URI1: variants seen among roughly 807,000 people sequenced by gnomAD.
URI1 encodes the protein URI1 prefoldin like chaperone, also known as unconventional prefoldin RPB5 interactor 1.
URI1 carries 39 observed loss-of-function variants against 60.2 expected under a neutral mutation model. That is an observed-to-expected ratio of 0.65 (90% CI 0.50 to 0.85). URI1 has a LOEUF of 0.85. Ranked by LOEUF, URI1 falls within the 40% of genes least tolerant of loss-of-function variation. URI1 has a pLI of 0.00. For missense variants in URI1, 691 were observed against 665.9 expected (o/e 1.04, Z -0.42); for synonymous variants, 251 against 236.8 (o/e 1.06, Z -0.55).
Position 30,015,830 on chromosome 19 carries a change from T to G in URI1, c.*761T>G, listed in dbSNP as rs1004313895. 2 of 384,832 alleles carry G rather than the reference T, an allele frequency of 5.2e-6. No individual in the cohort carries two copies. Among genetic ancestry groups the G allele is most frequent in the Non-Finnish European group, 9.2e-6 (2 of 217,422 alleles). 23.8% of individuals were successfully genotyped at this position (384,832 alleles called of 1,614,324 possible). ...TTCCTCAGATACTTCTCCCTTAGTTTTTGCAGTTTCACTGGGATTATGTTT... is the reference window on the plus strand; with the variant it reads ...TTCCTCAGATACTTCTCCCTTAGTTGTTGCAGTTTCACTGGGATTATGTTT... On this transcript the variant is annotated 3_prime_UTR_variant, in exon 11 of 11. Transcript: ENST00000392271.
In URI1 at chr19:30,016,510, T is replaced by C. The variant is rs1401809562; in HGVS notation, c.*1441T>C. 6.6e-6 allele frequency: 1 copy of C among 152,128 alleles called. No individual in the cohort carries two copies. The highest frequency in any genetic ancestry group is 1.5e-5 in the Non-Finnish European group (1 of 67,966). 9.4% of individuals were successfully genotyped at this position (152,128 alleles called of 1,614,324 possible). On this transcript the variant is annotated 3_prime_UTR_variant, in exon 11 of 11. Transcript: ENST00000392271. ...TTCACATGAGGCTTTCTGTGCTAGA[T>C]TTTTTTCTCAGAAACAAACTTTACT...
intron 4 of URI1, among the ~76,000 whole-genome samples, chr19:29,999,506 A>G (rs567488105): frequency 6.6e-6 from 1 of 152,126 alleles, no homozygotes; most frequent in East Asian, 1.9e-4. Context: ...TCATCCCATA[A>G]CCTTCTGTGC....
intron 1 of URI1, among the ~76,000 whole-genome samples, chr19:29,933,974 C>T (rs192945821): frequency 9.7e-4 from 107 of 109,864 alleles, no homozygotes; most frequent in Non-Finnish European, 1.6e-3. Flanking sequence ...CTTGCTCTGT[C>T]ACCCAGGCTG....
intron 1 of URI1, among the ~76,000 whole-genome samples, chr19:29,924,573 C>T (rs113592089): frequency 3.3e-5 from 5 of 152,304 alleles, no homozygotes; most frequent in East Asian, 3.9e-4. Context: ...CCAGGCCCTC[C>T]GTCTGTCTCC....
At chr19:29,989,769 G>GT (rs35380622) in intron 4 of URI1, among the ~76,000 whole-genome samples, 15 of 147,780 alleles carry the variant, frequency 1.0e-4, no homozygotes, top group African/African-American at 2.7e-4. Flanking sequence ...CGTTTTGAGA[G>GT]TTTTTTTTTT....
At chr19:29,972,427 A>T (rs540137171) in intron 2 of URI1, among the ~76,000 whole-genome samples, 24 of 152,254 alleles carry the variant, frequency 1.6e-4, no homozygotes, top group African/African-American at 5.8e-4. Flanking sequence ...ACATTTAGTC[A>T]GAGTGGCCCA....
chr19:29,970,995 A>C (rs752500087), intron 1 of URI1, 198 bp from the exon 2 acceptor site: 1 of 566,026 alleles, frequency 1.8e-6, no homozygotes, highest in Non-Finnish European at 3.2e-6. Context: ...TGCAGTTATC[A>C]GCCTGCATTA....
intron 4 of URI1, among the ~76,000 whole-genome samples, chr19:30,001,966 T>A (rs1363801411): frequency 6.6e-6 from 1 of 152,014 alleles, no homozygotes; most frequent in Non-Finnish European, 1.5e-5. Flanking sequence ...GTACATCCTG[T>A]CCAGAGGTTT....
At chr19:29,957,952 A>AT (rs2055271798) in intron 1 of URI1, 1 of 150,448 alleles carries the variant, frequency 6.6e-6, no homozygotes, top group Non-Finnish European at 1.5e-5. Flanking sequence ...TTGTTCTAAA[A>AT]TTTTTTGTTG....
chr19:29,956,700 C>T (rs2055252704), intron 1 of URI1: 2 of 1,544,696 alleles, frequency 1.3e-6, no homozygotes, highest in East Asian at 4.5e-5. Flanking sequence ...GGGAAGTGAG[C>T]ATACACAGAC....
chr19:29,986,178 T>TA (rs1306858077), intron 3 of URI1, 104 bp from the exon 4 acceptor site: 3 of 1,153,714 alleles, frequency 2.6e-6, no homozygotes, highest in Non-Finnish European at 3.4e-6. Flanking sequence ...AATGTATAAA[T>TA]AAAAAAATTC....
intron 4 of URI1, among the ~76,000 whole-genome samples, chr19:29,996,625 A>G (rs1344379472): frequency 6.6e-6 from 1 of 152,060 alleles, no homozygotes; most frequent in Non-Finnish European, 1.5e-5. Flanking sequence ...CTCTAGCTAG[A>G]ACTTCTAGTA....
At chr19:29,994,372 T>A (rs971441045) in intron 4 of URI1, among the ~76,000 whole-genome samples, 1 of 151,044 alleles carries the variant, frequency 6.6e-6, no homozygotes, top group Non-Finnish European at 1.5e-5. Context: ...CATCTCCAGA[T>A]ATTTTTCATC....
At chr19:29,995,077 C>T (rs967585476) in intron 4 of URI1, among the ~76,000 whole-genome samples, 8 of 152,016 alleles carry the variant, frequency 5.3e-5, no homozygotes, top group Admixed American at 1.3e-4. Context: ...CCACCACGCC[C>T]GGCCCTATGT....
At chr19:29,998,594 G>T (rs1198416039) in intron 4 of URI1, among the ~76,000 whole-genome samples, 1 of 152,036 alleles carries the variant, frequency 6.6e-6, no homozygotes. Flanking sequence ...TTAATTTAAA[G>T]TCTATTTTGT....
intron 1 of URI1, among the ~76,000 whole-genome samples, chr19:29,932,977 G>A (rs1249689539): frequency 6.6e-6 from 1 of 152,136 alleles, no homozygotes; most frequent in East Asian, 1.9e-4. Context: ...TTTATATGGT[G>A]AATCACCATT....
chr19:29,981,184 A>G (rs998815813), intron 2 of URI1, among the ~76,000 whole-genome samples: 4 of 151,994 alleles, frequency 2.6e-5, no homozygotes, highest in Non-Finnish European at 4.4e-5. Context: ...TCGTCCCTTT[A>G]AAAATATTCT....
chr19:29,964,459 G>GTTTTTTTTTTTTTTTTTTTTTTTT (rs202018051), intron 1 of URI1, among the ~76,000 whole-genome samples: 4 of 133,346 alleles, frequency 3.0e-5, no homozygotes, highest in African/African-American at 5.7e-5. Flanking sequence ...TTTGTTTTTT[G>GTTTTTTTTTTTTTTTTTTTTTTTT]TTTTGTTTTT....
At chr19:29,945,892 A>C (rs552407570) in intron 1 of URI1, among the ~76,000 whole-genome samples, 1 of 152,282 alleles carries the variant, frequency 6.6e-6, no homozygotes, top group South Asian at 2.1e-4. Context: ...GCTATTGATA[A>C]AACTTATTTT....
Sources: gnomAD v4.1 joint callset for allele counts (sites outside exome capture counted in the v4.1 genomes callset) on GRCh38, gnomAD v4.1.1 for gene constraint, MANE v1.5 for transcripts, NCBI Gene and HGNC (gene_info 2026-07-23, HGNC 2026-07-21) for gene names.